Variants in HTD2 observed in about 807,000 individuals in gnomAD.
The protein encoded by HTD2 is hydroxyacyl-thioester dehydratase type 2, mitochondrial.
HTD2 carries 1 observed loss-of-function variant against 3.1 expected under a neutral mutation model. The observed-to-expected ratio is 0.32, with a 90% CI of 0.11 to 1.52. The LOEUF (loss-of-function observed/expected upper bound fraction) is 1.52. Among genes scored for constraint, HTD2 ranks in the 40% most tolerant of loss-of-function variants. The pLI is 0.39. For synonymous variants in HTD2, 50 were observed against 28.9 expected (o/e 1.73, Z -2.34); for missense variants, 150 against 79.6 (o/e 1.88, Z -3.36).
rs142298527 is a variant in HTD2 at position 58,315,325 on chromosome 3, C to T, written c.-330-1190C>T. 1.5e-4 allele frequency among the ~76,000 whole-genome samples: 22 copies of T among 149,742 alleles called. No homozygotes were observed. In the East Asian group the frequency reaches 3.1e-3, roughly 21 times the overall value. On this transcript the variant is annotated intron_variant, in intron 2 of 4. Transcript: ENST00000461393. ...TGGGTGTTTCCATTTATAGAAGACTCTTGAAATACTATATATAATCTGGAG... is the reference window on the plus strand; with the variant it reads ...TGGGTGTTTCCATTTATAGAAGACTTTTGAAATACTATATATAATCTGGAG...
chr3:58,306,816 AAG>A (rs1265288757), intron 1 of HTD2, among the ~76,000 whole-genome samples, 165 bp downstream of exon 1: 11 of 152,042 alleles, frequency 7.2e-5, no homozygotes, highest in Admixed American at 7.2e-4. Context: ...AGCAGTGAAC[AAG>A]ATAGCAAGAT....
At chr3:58,307,325 A>G (rs2097476434) in intron 1 of HTD2, among the ~76,000 whole-genome samples, 1 of 152,216 alleles carries the variant, frequency 6.6e-6, no homozygotes, top group African/African-American at 2.4e-5. Context: ...GTAGATGTTA[A>G]TAGACTCACT....
At position 58,317,591 on chromosome 3, in the gene HTD2, G is replaced by C. The variant is rs758708614; in HGVS notation, c.-23G>C. The C allele has an allele frequency of 1.1e-4, 95 of 875,428 alleles. No individual in the cohort carries two copies. Among genetic ancestry groups the C allele is most frequent in the Middle Eastern group, 4.3e-4 (2 of 4,604 alleles). 54.2% of individuals were successfully genotyped at this position (875,428 alleles called of 1,614,324 possible). ...AGACTGAAGCAGGCTAAAAGCTCTT[G>C]ATGAAATTTGAGGGTGCTGAAGATG... On this transcript the variant is annotated 5_prime_UTR_variant, in exon 5 of 5. Transcript: ENST00000461393.
In HTD2 at chr3:58,316,920, T is replaced by G; in HGVS notation, c.-248T>G. ...TTTTCTTGATCTTTCTGCAGTGGTC[T>G]TGTCAAATTGTGGAGCTCTTTGACC... On this transcript the variant is annotated 5_prime_UTR_variant, in exon 4 of 5. Transcript: ENST00000461393. 1 of 1,613,378 alleles carries G rather than the reference T, an allele frequency of 6.2e-7. No homozygotes were observed. Among genetic ancestry groups the G allele is most frequent in the Non-Finnish European group, 8.5e-7 (1 of 1,179,514 alleles).
intron 1 of HTD2, chr3:58,310,163 T>C: frequency 1.6e-6 from 1 of 617,224 alleles, no homozygotes; most frequent in South Asian, 2.0e-5. Flanking sequence ...ACTCTGATTG[T>C]ACCACTGCAC....
chr3:58,310,264 A>G lies in HTD2; in HGVS notation c.-415-243A>G, dbSNP rs76529079. ...CAAATTCTCATCAAAACTCTGAAAA[A>G]TAGCATGTGCATTGGTCATTTCTAG... On this transcript the variant is annotated intron_variant, in intron 1 of 4. Coordinates refer to ENST00000461393, the MANE Select transcript of HTD2 (RefSeq NM_001348712.2). 9,048 of 1,441,282 alleles carry G rather than the reference A, an allele frequency of 6.3e-3. 41 individuals are homozygous for G. The highest frequency in any genetic ancestry group is 0.014 in the Admixed American group (727 of 53,762). The allele number at this position is 1,441,282 out of a possible 1,614,324, so 89.3% of individuals were successfully genotyped here.
At chr3:58,313,648 C>A (rs2097484813) in intron 2 of HTD2, among the ~76,000 whole-genome samples, 1 of 152,038 alleles carries the variant, frequency 6.6e-6, no homozygotes, top group African/African-American at 2.4e-5. Context: ...CTGGTGAAAC[C>A]CCATCTCTAC....
At chr3:58,315,103 T>C (rs998661772) in intron 2 of HTD2, among the ~76,000 whole-genome samples, 2 of 152,276 alleles carry the variant, frequency 1.3e-5, no homozygotes, top group Admixed American at 6.5e-5. Context: ...ACATGAATAT[T>C]CATAGCAGCT....
Position 58,317,719 on chromosome 3 carries a change from A to G in HTD2, c.106A>G (p.Ile36Val). Residue 36 changes from isoleucine to valine, a missense_variant, in exon 5 of 5, where the codon ATC (isoleucine) becomes GTC (valine). Ile to Val is a conservative substitution (Grantham distance 29). Transcript: ENST00000461393. ...LTLQHFQHMH[I>V]KVGDRAELRR... ...CCTGCAGCACTTTCAGCATATGCAC[A>G]TCAAAGTTGGAGACCGCGCTGAACT... The G allele has an allele frequency of 1.4e-6, 1 of 703,942 alleles. No homozygotes were observed. The highest frequency in any genetic ancestry group is 2.7e-5 in the East Asian group (1 of 37,298). 43.6% of individuals were successfully genotyped at this position (703,942 alleles called of 1,614,324 possible).
intron 2 of HTD2, among the ~76,000 whole-genome samples, chr3:58,314,859 G>C (rs968918224): frequency 1.4e-4 from 22 of 151,742 alleles, no homozygotes; most frequent in African/African-American, 5.3e-4. Context: ...TAATTTTTTT[G>C]TATTTTTAGT....
At position 58,317,092 on chromosome 3, in the gene HTD2, A is replaced by G. The variant is rs181961147; in HGVS notation, c.-175+99A>G. On this transcript the variant is annotated intron_variant, in intron 4 of 4. Coordinates refer to ENST00000461393, the MANE Select transcript of HTD2 (RefSeq NM_001348712.2). ...ATTTTTGTGCTTGCATAAATGTAAT[A>G]TGGTTAAAATGATCTAAGTAGGGGA... 16 of 840,720 alleles carry G rather than the reference A, an allele frequency of 1.9e-5. No homozygotes were observed. The East Asian group carries it at 3.0e-4, about 16-fold the overall frequency. The allele number at this position is 840,720 out of a possible 1,614,324, so 52.1% of individuals were successfully genotyped here. A position where few individuals can be genotyped will look rare whatever the true frequency, so the allele number is the denominator to read the frequency against.
intron 1 of HTD2, 48 bp from the exon 2 acceptor site, chr3:58,310,459 G>C (rs1298102491): frequency 6.3e-7 from 1 of 1,594,320 alleles, no homozygotes; most frequent in Non-Finnish European, 8.6e-7. Flanking sequence ...ACATGAATCT[G>C]AATAGAATGA....
At position 58,317,804 on chromosome 3, in the gene HTD2, A is replaced by G. The variant is rs994739624; in HGVS notation, c.191A>G (p.Asn64Ser). ...TTCTCAGAATTAACAGGGGATGTCA[A>G]TCCTTTGCATTTGAATGAAGACTTT... ...ATFSELTGDV[N>S]PLHLNEDFAK... Residue 64 changes from asparagine to serine, a missense_variant, in exon 5 of 5, where the codon AAT becomes AGT. Asn to Ser is a conservative substitution (Grantham distance 46, BLOSUM62 1). Transcript: ENST00000461393. 10 of 702,928 alleles carry G rather than the reference A, an allele frequency of 1.4e-5. No individual in the cohort carries two copies. The highest frequency in any genetic ancestry group is 6.0e-5 in the Admixed American group (3 of 49,990). 43.5% of individuals were successfully genotyped at this position (702,928 alleles called of 1,614,324 possible). A position where few individuals can be genotyped will look rare whatever the true frequency, so the allele number is the denominator to read the frequency against.
In HTD2 at chr3:58,316,515, G is replaced by A; in HGVS notation, c.-330G>A. On this transcript the variant is annotated splice_region_variant and 5_prime_UTR_variant, in exon 3 of 5. Transcript: ENST00000461393. ...GCTAATAGCATTATTCCATATGCAGGTTGATGCCGCCTTACCTTTGGACAT... is the reference window on the plus strand; with the variant it reads ...GCTAATAGCATTATTCCATATGCAGATTGATGCCGCCTTACCTTTGGACAT... 1 of 1,613,584 alleles carries A rather than the reference G, an allele frequency of 6.2e-7. No homozygotes were observed. The highest frequency in any genetic ancestry group is 8.5e-7 in the Non-Finnish European group (1 of 1,179,524).
At position 58,310,567 on chromosome 3, in the gene HTD2, G is replaced by T. The variant is rs367585259; in HGVS notation, c.-355G>T. 1.9e-6 allele frequency: 3 copies of T among 1,612,202 alleles called. No individual in the cohort carries two copies. The highest frequency in any genetic ancestry group is 2.2e-5 in the East Asian group (1 of 44,854). On this transcript the variant is annotated 5_prime_UTR_variant, in exon 2 of 5. Transcript: ENST00000461393. Reference sequence around the variant, plus strand: ...CACAGTTCAAACAGCTGCTTATTTCGGCTGTGAAGGACCTGTTTGGGGAGG... The same window carrying T: ...CACAGTTCAAACAGCTGCTTATTTCTGCTGTGAAGGACCTGTTTGGGGAGG...
chr3:58,306,914 T>C (rs1266221885), intron 1 of HTD2, among the ~76,000 whole-genome samples: 1 of 151,834 alleles, frequency 6.6e-6, no homozygotes, highest in Non-Finnish European at 1.5e-5. Context: ...AAAAGGCAAA[T>C]GCTACGAAGA....
At chr3:58,311,888 T>C (rs1009085545) in intron 2 of HTD2, among the ~76,000 whole-genome samples, 1 of 152,186 alleles carries the variant, frequency 6.6e-6, no homozygotes, top group Non-Finnish European at 1.5e-5. Context: ...GTTTTTTGTT[T>C]TTGAGATGAA....
At chr3:58,311,788 T>C (rs2097482536) in intron 2 of HTD2, among the ~76,000 whole-genome samples, 1 of 152,138 alleles carries the variant, frequency 6.6e-6, no homozygotes, top group Admixed American at 6.6e-5. Flanking sequence ...TGCACATGTC[T>C]TTTTGAATTG....
At position 58,317,931 on chromosome 3, in the gene HTD2, ATTTC is replaced by A. The variant is rs1303222868; in HGVS notation, c.323_326del (p.Leu108ProfsTer17). On this transcript the variant is annotated frameshift_variant, in exon 5 of 5. Transcript: ENST00000461393. LOFTEE classifies it high-confidence loss of function. ...CTAAAATGCCAGGGCCAGGCTGTGT[ATTTC>A]TTTCCCAGGAAATTAGCTTTCCAGC... 4.3e-6 allele frequency: 3 copies of A among 702,776 alleles called. No homozygotes were observed. In the African/African-American group the frequency reaches 5.2e-5, roughly 12 times the overall value. 43.5% of individuals were successfully genotyped at this position (702,776 alleles called of 1,614,324 possible). A position where few individuals can be genotyped will look rare whatever the true frequency, so the allele number is the denominator to read the frequency against.
Sources: allele counts gnomAD v4.1 joint callset (sites outside exome capture counted in the v4.1 genomes callset), GRCh38; gene constraint gnomAD v4.1.1; transcripts MANE v1.5; gene names NCBI Gene and HGNC (gene_info 2026-07-23, HGNC 2026-07-21).